Variants in YTHDC1 observed in about 807,000 individuals in gnomAD.
YTHDC1 encodes the protein YTH domain-containing protein 1.
A neutral mutation model predicts 107.0 loss-of-function variants in YTHDC1; 12 were observed. The observed-to-expected ratio is 0.11, with a 90% CI of 0.07 to 0.18. The LOEUF (loss-of-function observed/expected upper bound fraction) is 0.18, where lower values mean the gene tolerates loss of function less well. Ranked by LOEUF, YTHDC1 falls within the 10% of genes least tolerant of loss-of-function variation. The pLI, the probability that YTHDC1 is intolerant of heterozygous loss-of-function variation, is 1.00. For missense variants in YTHDC1, 635 were observed against 898.8 expected, an observed-to-expected ratio of 0.71 and a Z score of 3.75; for synonymous variants, 280 against 289.5, an observed-to-expected ratio of 0.97 and a Z score of 0.33.
Position 68,349,749 on chromosome 4 carries a change from G to A in YTHDC1, c.5C>T (p.Ala2Val), listed in dbSNP as rs760061027. ...ACCTTTCTCCTCCCGACTGTCAGCCGCCATGGCTCCCCTTCGGTTTCCGCC... is the reference window on the plus strand; with the variant it reads ...ACCTTTCTCCTCCCGACTGTCAGCCACCATGGCTCCCCTTCGGTTTCCGCC... MAADSREEKDGE... is the reference protein window; with the variant it reads MVADSREEKDGE... The change falls in exon 1 of 17, where the codon GCG (alanine) becomes GTG (valine). Residue 2 changes from alanine to valine, a missense_variant. Coordinates refer to ENST00000344157, the MANE Select transcript of YTHDC1 (RefSeq NM_001031732.4). 1.9e-6 allele frequency: 3 copies of A among 1,613,010 alleles called. No homozygotes were observed. Among genetic ancestry groups the A allele is most frequent in the Non-Finnish European group, 2.5e-6 (3 of 1,179,808 alleles).
intron 1 of YTHDC1, 132 bp from the exon 2 acceptor site, chr4:68,338,516 C>T: frequency 3.3e-6 from 2 of 612,122 alleles, no homozygotes; most frequent in Non-Finnish European, 5.5e-6. Flanking sequence ...ACTTTTATTT[C>T]AGAATCAAGA....
intron 11 of YTHDC1, among the ~76,000 whole-genome samples, chr4:68,321,406 C>T (rs1394426601): frequency 1.3e-5 from 2 of 152,036 alleles, no homozygotes; most frequent in Non-Finnish European, 2.9e-5. Flanking sequence ...CATTTACGAC[C>T]GGTATAAAAC....
At chr4:68,318,373 G>T in intron 15 of YTHDC1, 146 bp downstream of exon 15, 1 of 729,034 alleles carries the variant, frequency 1.4e-6, no homozygotes, top group Non-Finnish European at 2.2e-6. Flanking sequence ...CTCCCAAAGT[G>T]CTGGGACTGC....
At chr4:68,342,270 G>A (rs1172474570) in intron 1 of YTHDC1, among the ~76,000 whole-genome samples, 4 of 152,154 alleles carry the variant, frequency 2.6e-5, no homozygotes, top group Non-Finnish European at 5.9e-5. Flanking sequence ...GACAAGTCTC[G>A]TTGATGTCTA....
Position 68,350,014 on chromosome 4 carries a change from A to C in YTHDC1, c.-261T>G. 1.8e-6 allele frequency: 1 copy of C among 567,036 alleles called. No individual in the cohort carries two copies. The highest frequency in any genetic ancestry group is 3.0e-5 in the East Asian group (1 of 33,224). 35.1% of individuals were successfully genotyped at this position (567,036 alleles called of 1,614,324 possible). On this transcript the variant is annotated 5_prime_UTR_variant, in exon 1 of 17. Coordinates refer to ENST00000344157, the MANE Select transcript of YTHDC1 (RefSeq NM_001031732.4). Reference sequence around the variant, plus strand: ...GACTCGGGCTAGGTATGGGGGAGGGAAGGGAAACAGATGGCGACGGCGGGC... The same window carrying C: ...GACTCGGGCTAGGTATGGGGGAGGGCAGGGAAACAGATGGCGACGGCGGGC...
intron 1 of YTHDC1, among the ~76,000 whole-genome samples, chr4:68,345,997 C>T (rs1725370260): frequency 6.6e-6 from 1 of 151,458 alleles, no homozygotes; most frequent in Admixed American, 6.6e-5. Context: ...CCTAACAATG[C>T]CCATCTTCAT....
intron 1 of YTHDC1, among the ~76,000 whole-genome samples, chr4:68,342,078 G>A (rs1467177892): frequency 6.6e-6 from 1 of 152,102 alleles, no homozygotes; most frequent in African/African-American, 2.4e-5. Flanking sequence ...AAACAGGTAT[G>A]GTATATGCAT....
In YTHDC1 at chr4:68,332,791, T is replaced by C. The variant is rs1390898861; in HGVS notation, c.1027+3A>G. On this transcript the variant is annotated splice_donor_region_variant and intron_variant, in intron 6 of 16. Transcript: ENST00000344157. Reference sequence around the variant, plus strand: ...TGAAAACAATTTCAAATTTAAATGATACCTTTTCGGACAGCACGAACGGAA... The same window carrying C: ...TGAAAACAATTTCAAATTTAAATGACACCTTTTCGGACAGCACGAACGGAA... 6.2e-7 allele frequency: 1 copy of C among 1,612,736 alleles called. No individual in the cohort carries two copies. Among genetic ancestry groups the C allele is most frequent in the Non-Finnish European group, 8.5e-7 (1 of 1,179,338 alleles).
chr4:68,329,201 G>A (rs1723315407), intron 9 of YTHDC1, among the ~76,000 whole-genome samples: 1 of 151,948 alleles, frequency 6.6e-6, no homozygotes, highest in Non-Finnish European at 1.5e-5. Flanking sequence ...AAAAAAGGTA[G>A]CTCCCTATCC....
In YTHDC1 at chr4:68,338,326, T is replaced by C. The variant is rs1474975975; in HGVS notation, c.87A>G (p.Glu29=). Residue 29 remains glutamate, a synonymous_variant, in exon 2 of 17, where the codon GAA becomes GAG. Transcript: ENST00000344157. The part of the protein sequence containing the change: ...ILTEVPEQDD[E]LYNPESEQDK... Reference sequence around the variant, plus strand: ...CTTGTTCACTCTCTGGATTATACAGTTCATCATCTTGTTCTGGTACTTCAG... The same window carrying C: ...CTTGTTCACTCTCTGGATTATACAGCTCATCATCTTGTTCTGGTACTTCAG... The C allele has an allele frequency of 6.2e-7, 1 of 1,608,810 alleles. No homozygotes were observed. The highest frequency in any genetic ancestry group is 8.5e-7 in the Non-Finnish European group (1 of 1,178,110).
At position 68,349,718 on chromosome 4, in the gene YTHDC1, G is replaced by C. The variant is rs781102986; in HGVS notation, c.28+8C>G. On this transcript the variant is annotated splice_region_variant and intron_variant, in intron 1 of 16. Transcript: ENST00000344157. Reference sequence around the variant, plus strand: ...TCGCCTCGGCCCGTCATCTTTCTCCGCACTAACCTTTCTCCTCCCGACTGT... The same window carrying C: ...TCGCCTCGGCCCGTCATCTTTCTCCCCACTAACCTTTCTCCTCCCGACTGT... 41 of 1,605,886 alleles carry C rather than the reference G, an allele frequency of 2.6e-5. No homozygotes were observed. The Middle Eastern group carries it at 4.9e-4, about 19-fold the overall frequency.
chr4:68,349,796 T>A lies in YTHDC1; in HGVS notation c.-43A>T. 1.2e-6 allele frequency: 2 copies of A among 1,611,554 alleles called. No homozygotes were observed. The highest frequency in any genetic ancestry group is 1.7e-6 in the Non-Finnish European group (2 of 1,178,984). On this transcript the variant is annotated 5_prime_UTR_variant, in exon 1 of 17. Transcript: ENST00000344157. ...CGCCGCTGCCACCGCCGCCGCCGCTTAGACGCGACTCGCGCGGGCGCCGCA... is the reference window on the plus strand; with the variant it reads ...CGCCGCTGCCACCGCCGCCGCCGCTAAGACGCGACTCGCGCGGGCGCCGCA...
At chr4:68,331,487 G>C (rs2109713588) in intron 7 of YTHDC1, among the ~76,000 whole-genome samples, 1 of 152,188 alleles carries the variant, frequency 6.6e-6, no homozygotes, top group South Asian at 2.1e-4. Context: ...TAGTTACTCA[G>C]TTTAAACCAA....
At chr4:68,327,437 C>T (rs1271452022) in intron 9 of YTHDC1, among the ~76,000 whole-genome samples, 1 of 151,844 alleles carries the variant, frequency 6.6e-6, no homozygotes, top group Admixed American at 6.6e-5. Context: ...TCTTTATCAG[C>T]TAAAACATGA....
At chr4:68,338,181 C>T in intron 2 of YTHDC1, 102 bp downstream of exon 2, 2 of 1,330,164 alleles carry the variant, frequency 1.5e-6, no homozygotes, top group Non-Finnish European at 2.1e-6. Context: ...TGTTAACTGC[C>T]TCAAGGAACA....
Position 68,337,320 on chromosome 4 carries a change from T to C in YTHDC1, c.590A>G (p.Asn197Ser), listed in dbSNP as rs1286580755. The C allele has an allele frequency of 9.9e-6, 16 of 1,613,982 alleles. No individual in the cohort carries two copies. The highest frequency in any genetic ancestry group is 1.4e-5 in the Non-Finnish European group (16 of 1,180,018). ...SSGSSDEQGN[N>S]TENEEEGVEE... ...CACTCCTTCCTCCTCATTCTCAGTG[T>C]TGTTCCCTTGCTCATCAGAAGAACC... Residue 197 changes from asparagine (N) to serine (S), a missense_variant, in exon 4 of 17, where the codon AAC becomes AGC. Asn to Ser is a conservative substitution (Grantham distance 46). This residue lies in a region of YTHDC1 where 294 missense variants were observed against 312.3 expected (regional missense o/e 0.94). Transcript: ENST00000344157.
chr4:68,314,408 A>G (rs1191926156), intron 16 of YTHDC1, 85 bp from the exon 17 acceptor site: 4 of 1,130,946 alleles, frequency 3.5e-6, no homozygotes, highest in Non-Finnish European at 3.6e-6. Context: ...AAATTTATAT[A>G]AACAATTTTA....
intron 4 of YTHDC1, among the ~76,000 whole-genome samples, chr4:68,334,835 G>A (rs1234109129): frequency 6.6e-6 from 1 of 151,950 alleles, no homozygotes; most frequent in Non-Finnish European, 1.5e-5. Context: ...ACCAGCCTGG[G>A]CAACATAGCA....
chr4:68,314,263 G>C lies in YTHDC1; in HGVS notation c.2020C>G (p.Arg674Gly), dbSNP rs756562328. 1 of 1,613,592 alleles carries C rather than the reference G, an allele frequency of 6.2e-7. No individual in the cohort carries two copies. Among genetic ancestry groups the C allele is most frequent in the Non-Finnish European group, 8.5e-7 (1 of 1,179,980 alleles). ...TCTCTTTCACGGGGTCTACTTCTCCGGCCACTGACAACAGCTTGTGTGCGA... is the reference window on the plus strand; with the variant it reads ...TCTCTTTCACGGGGTCTACTTCTCCCGCCACTGACAACAGCTTGTGTGCGA... ...LRRTQAVVSGRRSRPRERDRE... is the reference protein window; with the variant it reads ...LRRTQAVVSGGRSRPRERDRE... Residue 674 changes from arginine to glycine, a missense_variant, in exon 17 of 17, where the codon CGG becomes GGG. Physicochemically the swap from Arg to Gly is moderately radical, Grantham distance 125 (BLOSUM62 -2). This residue lies in a region of YTHDC1 where 256 missense variants were observed against 372.9 expected (regional missense o/e 0.69). Coordinates refer to ENST00000344157, the MANE Select transcript of YTHDC1 (RefSeq NM_001031732.4).
Sources: allele counts gnomAD v4.1 joint callset (sites outside exome capture counted in the v4.1 genomes callset), GRCh38; gene constraint gnomAD v4.1.1; regional missense constraint gnomAD v4.1.1; transcripts MANE v1.5; gene names NCBI Gene and HGNC (gene_info 2026-07-23, HGNC 2026-07-21).